The following LRRC3B variants were observed in gnomAD, a reference collection of about 807,000 sequenced individuals.
The protein encoded by LRRC3B is leucine rich repeat containing 3B, also known as leucine-rich repeat-containing protein 3B.
LRRC3B carries 2 observed loss-of-function variants against 12.8 expected under a neutral mutation model. That is an observed-to-expected ratio of 0.16 (90% CI 0.06 to 0.49). The LOEUF is 0.49. LRRC3B is among the 20% of genes least tolerant of loss of function. The probability of loss-of-function intolerance (pLI) is 0.96; values close to 1 mark genes in which losing one functional copy is unlikely to be tolerated. For synonymous variants in LRRC3B, 132 were observed against 122.0 expected, an observed-to-expected ratio of 1.08 and a Z score of -0.54; for missense variants, 189 against 319.4, an observed-to-expected ratio of 0.59 and a Z score of 3.11.
At position 26,707,315 on chromosome 3, in the gene LRRC3B, G is replaced by A. The variant is rs191317290; in HGVS notation, c.-160-2198G>A. Among the ~76,000 whole-genome samples, 13 of 151,286 alleles carry A rather than the reference G, an allele frequency of 8.6e-5. No individual in the cohort carries two copies. The East Asian group carries it at 2.1e-3, about 25-fold the overall frequency. On this transcript the variant is annotated intron_variant, in intron 1 of 1. Coordinates refer to ENST00000396641, the Ensembl canonical transcript of LRRC3B. Reference sequence around the variant, plus strand: ...GGCAGGCGGAGATTTGCAGTGAGCCGAGATCACACCACTGCTCTCCAGCCT... The same window carrying A: ...GGCAGGCGGAGATTTGCAGTGAGCCAAGATCACACCACTGCTCTCCAGCCT...
chr3:26,700,661 T>G (rs1700431062), intron 1 of LRRC3B, among the ~76,000 whole-genome samples: 1 of 152,184 alleles, frequency 6.6e-6, no homozygotes, highest in African/African-American at 2.4e-5. Flanking sequence ...TCCCTTAATT[T>G]AAAAATCCAT....
chr3:26,710,197 C>A, exon 2 of LRRC3B: 4 of 1,613,706 alleles, frequency 2.5e-6, no homozygotes, highest in Non-Finnish European at 3.4e-6. Flanking sequence ...GTAAAACGTC[C>A]GTGTTGGATG....
intron 1 of LRRC3B, among the ~76,000 whole-genome samples, chr3:26,645,278 T>C (rs1436984190): frequency 6.6e-6 from 1 of 152,146 alleles, no homozygotes; most frequent in Non-Finnish European, 1.5e-5. Context: ...AAAGAGGATG[T>C]TTACATTGTG....
At chr3:26,685,489 CT>C (rs1330073866) in intron 1 of LRRC3B, among the ~76,000 whole-genome samples, 2 of 36,470 alleles carry the variant, frequency 5.5e-5, no homozygotes, top group Admixed American at 4.2e-4. Context: ...CTCTCTCCCT[CT>C]CTCTCTCTCT....
chr3:26,670,492 G>A (rs147449203), intron 1 of LRRC3B, among the ~76,000 whole-genome samples: 64 of 152,146 alleles, frequency 4.2e-4, no homozygotes, highest in East Asian at 2.9e-3. Context: ...TCTGAGCACC[G>A]GGTTTTTTAA....
chr3:26,698,583 C>T (rs61638391), intron 1 of LRRC3B, among the ~76,000 whole-genome samples: 113 of 152,078 alleles, frequency 7.4e-4, no homozygotes, highest in African/African-American at 2.6e-3. Context: ...GTAGAATCTC[C>T]CCTACCCCAA....
At chr3:26,639,141 A>C (rs1257381497) in intron 1 of LRRC3B, among the ~76,000 whole-genome samples, 1 of 152,226 alleles carries the variant, frequency 6.6e-6, no homozygotes, top group Non-Finnish European at 1.5e-5. Context: ...ATATAATGGT[A>C]GCCACTTGTG....
At chr3:26,641,054 C>T (rs914050896) in intron 1 of LRRC3B, among the ~76,000 whole-genome samples, 13 of 152,178 alleles carry the variant, frequency 8.5e-5, no homozygotes, top group African/African-American at 3.1e-4. Flanking sequence ...CACAAAAAGT[C>T]ACTTAGTAGG....
At chr3:26,631,070 T>G (rs1306418690) in intron 1 of LRRC3B, among the ~76,000 whole-genome samples, 1 of 152,114 alleles carries the variant, frequency 6.6e-6, no homozygotes, top group Non-Finnish European at 1.5e-5. Flanking sequence ...TGGATACTGG[T>G]ATTGGAAAGT....
At chr3:26,709,382 G>C in intron 1 of LRRC3B, 131 bp from the exon 2 acceptor site, 1 of 409,502 alleles carries the variant, frequency 2.4e-6, no homozygotes, top group Non-Finnish European at 4.4e-6. Flanking sequence ...ACTCCCAGTG[G>C]CATTGATGGA....
chr3:26,677,954 C>G (rs937690407), intron 1 of LRRC3B, among the ~76,000 whole-genome samples: 1 of 152,034 alleles, frequency 6.6e-6, no homozygotes, highest in Non-Finnish European at 1.5e-5. Flanking sequence ...CATGTGCCAA[C>G]ATGCTTGGCT....
chr3:26,661,457 G>A (rs1699489322), intron 1 of LRRC3B, among the ~76,000 whole-genome samples: 1 of 152,058 alleles, frequency 6.6e-6, no homozygotes, highest in Non-Finnish European at 1.5e-5. Flanking sequence ...TATGTCTTTA[G>A]GTATGTAGTT....
intron 1 of LRRC3B, among the ~76,000 whole-genome samples, chr3:26,650,060 T>A (rs902976568): frequency 1.3e-5 from 2 of 152,196 alleles, no homozygotes; most frequent in African/African-American, 4.8e-5. Context: ...TTCTTGAATT[T>A]ATTTGTCCCA....
chr3:26,623,471 A>G (rs886678646), intron 1 of LRRC3B, among the ~76,000 whole-genome samples: 9 of 152,110 alleles, frequency 5.9e-5, no homozygotes, highest in African/African-American at 2.2e-4. Flanking sequence ...AATAGTCTGC[A>G]AACTTTTGTG....
At chr3:26,643,288 A>ATG (rs1489041562) in intron 1 of LRRC3B, among the ~76,000 whole-genome samples, 4 of 96,576 alleles carry the variant, frequency 4.1e-5, no homozygotes, top group African/African-American at 6.3e-5. Context: ...ATACATGTAT[A>ATG]TGTATATATA....
intron 1 of LRRC3B, among the ~76,000 whole-genome samples, chr3:26,690,764 A>C (rs1301475543): frequency 6.6e-6 from 1 of 152,174 alleles, no homozygotes; most frequent in East Asian, 1.9e-4. Flanking sequence ...TAAACTATTC[A>C]TGTGATAACA....
chr3:26,703,843 C>T (rs144913820), intron 1 of LRRC3B, among the ~76,000 whole-genome samples: 32 of 151,910 alleles, frequency 2.1e-4, no homozygotes, highest in African/African-American at 7.7e-4. Context: ...GCCATCTTGG[C>T]CACCATTGTT....
At chr3:26,688,079 C>T (rs1309555790) in intron 1 of LRRC3B, among the ~76,000 whole-genome samples, 1 of 152,144 alleles carries the variant, frequency 6.6e-6, no homozygotes, top group Non-Finnish European at 1.5e-5. Flanking sequence ...CATGGGAGGA[C>T]ATAACATGGA....
chr3:26,707,199 G>A (rs1407725876), intron 1 of LRRC3B, among the ~76,000 whole-genome samples: 70 of 129,918 alleles, frequency 5.4e-4, no homozygotes, highest in Non-Finnish European at 7.1e-4. Context: ...TAAAAATACA[G>A]AAAAAAAAAA....
Sources: gnomAD v4.1 joint callset for allele counts (sites outside exome capture counted in the v4.1 genomes callset) on GRCh38, gnomAD v4.1.1 for gene constraint, MANE v1.5 for transcripts, NCBI Gene and HGNC (gene_info 2026-07-23, HGNC 2026-07-21) for gene names.